The following VPS13B variants were observed in gnomAD, a reference collection of about 807,000 sequenced individuals.
VPS13B encodes the protein intermembrane lipid transfer protein VPS13B.
A neutral mutation model predicts 426.4 loss-of-function variants in VPS13B; 285 were observed. The ratio of observed to expected loss-of-function variants is 0.67; its 90% confidence interval spans 0.61 to 0.74. The LOEUF is 0.74. Ranked by LOEUF, VPS13B falls within the 30% of genes least tolerant of loss-of-function variation. The probability of loss-of-function intolerance (pLI) is 0.00; values close to 1 mark genes in which losing one functional copy is unlikely to be tolerated. For missense variants in VPS13B, 4,537 were observed against 4,782.6 expected (o/e 0.95, Z 1.51); for synonymous variants, 1,676 against 1,676.4 (o/e 1.00, Z 0.01).
At chr8:99,620,284 C>T (rs532690531) in intron 33 of VPS13B, among the ~76,000 whole-genome samples, 1 of 152,298 alleles carries the variant, frequency 6.6e-6, no homozygotes, top group South Asian at 2.1e-4. Context: ...TAACCCAGTT[C>T]AGGTGAATTG....
At chr8:99,337,167 G>T (rs1810942925) in intron 19 of VPS13B, among the ~76,000 whole-genome samples, 2 of 152,054 alleles carry the variant, frequency 1.3e-5, no homozygotes, top group Non-Finnish European at 1.5e-5. Flanking sequence ...TATACACCAT[G>T]GAATACTATG....
At chr8:99,497,734 C>T (rs765623924) in intron 25 of VPS13B, among the ~76,000 whole-genome samples, 9 of 152,010 alleles carry the variant, frequency 5.9e-5, no homozygotes, top group Non-Finnish European at 8.8e-5. Flanking sequence ...TGCAATTAAC[C>T]TATGCAGTAA....
At chr8:99,621,251 T>C (rs1828336150) in intron 33 of VPS13B, among the ~76,000 whole-genome samples, 1 of 152,232 alleles carries the variant, frequency 6.6e-6, no homozygotes, top group Non-Finnish European at 1.5e-5. Flanking sequence ...TCTCTGTATA[T>C]GGAGATATAA....
intron 35 of VPS13B, among the ~76,000 whole-genome samples, chr8:99,663,383 T>A (rs1227733197): frequency 6.6e-6 from 1 of 152,196 alleles, no homozygotes; most frequent in Non-Finnish European, 1.5e-5. Flanking sequence ...GATATGGTTT[T>A]AAATATATGA....
At chr8:99,234,525 G>A (rs771017092) in intron 17 of VPS13B, 39 of 490,342 alleles carry the variant, frequency 8.0e-5, no homozygotes, top group Non-Finnish European at 1.5e-4. Context: ...GCGGGGTTGG[G>A]GTTCAGGGGC....
At chr8:99,206,117 T>G (rs1814704368) in intron 17 of VPS13B, among the ~76,000 whole-genome samples, 1 of 152,202 alleles carries the variant, frequency 6.6e-6, no homozygotes, top group Admixed American at 6.5e-5. Context: ...AGATTAAATA[T>G]AAAGTCACAC....
intron 12 of VPS13B, among the ~76,000 whole-genome samples, chr8:99,137,649 G>A (rs751245044): frequency 4.6e-5 from 7 of 152,066 alleles, no homozygotes; most frequent in Non-Finnish European, 1.5e-5. Flanking sequence ...TCTGGCTTCT[G>A]CTTTTGGAAT....
intron 21 of VPS13B, among the ~76,000 whole-genome samples, chr8:99,413,337 T>C (rs1433629156): frequency 1.3e-5 from 2 of 152,210 alleles, no homozygotes; most frequent in African/African-American, 4.8e-5. Flanking sequence ...TTTTCTAGTT[T>C]ATTTGCATAG....
At chr8:99,845,904 A>T (rs1201950308) in intron 54 of VPS13B, among the ~76,000 whole-genome samples, 3 of 152,214 alleles carry the variant, frequency 2.0e-5, no homozygotes, top group Non-Finnish European at 2.9e-5. Flanking sequence ...GATTTGGCCC[A>T]CCACTGAGCT....
chr8:99,121,669 A>G, intron 8 of VPS13B: 1 of 1,213,624 alleles, frequency 8.2e-7, no homozygotes, highest in African/African-American at 1.5e-5. Context: ...CTTTTTTATT[A>G]GCTTCATGGA....
intron 43 of VPS13B, chr8:99,799,083 G>A (rs375548404): frequency 2.6e-5 from 4 of 152,094 alleles, no homozygotes; most frequent in African/African-American, 9.7e-5. Context: ...TATTATTTCC[G>A]TGCTTTTAAA....
chr8:99,860,663 T>C (rs1311537138), intron 57 of VPS13B, among the ~76,000 whole-genome samples: 2 of 152,222 alleles, frequency 1.3e-5, no homozygotes, highest in African/African-American at 4.8e-5. Flanking sequence ...AAAAACGACA[T>C]TGAGCATTTC....
chr8:99,371,589 G>GT (rs1449542415), intron 19 of VPS13B, among the ~76,000 whole-genome samples: 2 of 152,208 alleles, frequency 1.3e-5, no homozygotes, highest in Non-Finnish European at 2.9e-5. Context: ...CTTTAAAGTA[G>GT]TTTTTTCCAA....
chr8:99,709,117 T>C (rs867288250), intron 36 of VPS13B, among the ~76,000 whole-genome samples: 3 of 152,156 alleles, frequency 2.0e-5, no homozygotes, highest in African/African-American at 4.8e-5. Context: ...ATTTTAAGGT[T>C]TTCTGATGCT....
At chr8:99,177,160 A>C (rs1293861700) in intron 16 of VPS13B, among the ~76,000 whole-genome samples, 1 of 152,236 alleles carries the variant, frequency 6.6e-6, no homozygotes, top group East Asian at 1.9e-4. Context: ...AAGCAGTGCC[A>C]GAAAACAAAT....
At chr8:99,432,964 G>T (rs1166138872) in intron 22 of VPS13B, among the ~76,000 whole-genome samples, 3 of 152,172 alleles carry the variant, frequency 2.0e-5, no homozygotes, top group Non-Finnish European at 4.4e-5. Context: ...GAAGATCATA[G>T]TTTGGCAAGG....
intron 31 of VPS13B, among the ~76,000 whole-genome samples, chr8:99,557,243 AG>A (rs1824632831): frequency 6.6e-6 from 1 of 152,040 alleles, no homozygotes; most frequent in South Asian, 2.1e-4. Flanking sequence ...CCATCACCTG[AG>A]TAGTATACAC....
At chr8:99,048,470 G>T (rs542694365) in intron 3 of VPS13B, among the ~76,000 whole-genome samples, 1 of 152,224 alleles carries the variant, frequency 6.6e-6, no homozygotes, top group African/African-American at 2.4e-5. Context: ...CACTGTTATT[G>T]TGTTGCTGTC....
At chr8:99,226,454 G>C (rs940921998) in intron 17 of VPS13B, among the ~76,000 whole-genome samples, 2 of 152,034 alleles carry the variant, frequency 1.3e-5, no homozygotes, top group Non-Finnish European at 2.9e-5. Context: ...TTATTCCACT[G>C]ACGTCCTTTT....
Sources: gnomAD v4.1 joint callset for allele counts (sites outside exome capture counted in the v4.1 genomes callset) on GRCh38, gnomAD v4.1.1 for gene constraint, MANE v1.5 for transcripts, NCBI Gene and HGNC (gene_info 2026-07-23, HGNC 2026-07-21) for gene names.